HMGN5: variants seen among roughly 807,000 people sequenced by gnomAD.
The protein encoded by HMGN5 is high mobility group nucleosome binding domain 5, also known as high mobility group nucleosome-binding domain-containing protein 5.
A neutral mutation model predicts 9.5 loss-of-function variants in HMGN5; 4 were observed. The ratio of observed to expected loss-of-function variants is 0.42; its 90% CI spans 0.21 to 0.96. The LOEUF (loss-of-function observed/expected upper bound fraction) is 0.96, where lower values mean the gene tolerates loss of function less well. HMGN5 is among the 40% of genes least tolerant of loss of function. The probability of loss-of-function intolerance (pLI) is 0.30; values close to 1 mark genes in which losing one functional copy is unlikely to be tolerated. For synonymous variants in HMGN5, 55 were observed against 57.1 expected (o/e 0.96, Z 0.16); for missense variants, 192 against 187.5 (o/e 1.02, Z -0.14).
chrX:81,176,118 G>C (rs1309776666), intron 1 of HMGN5, among the ~76,000 whole-genome samples: 1 of 111,641 alleles, frequency 9.0e-6, no homozygotes, highest in Non-Finnish European at 1.9e-5. Flanking sequence ...TGCAACCTCC[G>C]CTGGTGATAG....
chrX:81,153,613 A>G (rs867651770), intron 1 of HMGN5, among the ~76,000 whole-genome samples: 1 of 45,270 alleles, frequency 2.2e-5, no homozygotes, highest in East Asian at 9.0e-4. Flanking sequence ...ATATATATAT[A>G]TATATATATA....
chrX:81,138,514 TA>T (rs1323902941), intron 1 of HMGN5, among the ~76,000 whole-genome samples: 1 of 111,312 alleles, frequency 9.0e-6, no homozygotes, highest in Non-Finnish European at 1.9e-5. Context: ...AAAGAACATG[TA>T]AAAAATCCTA....
intron 1 of HMGN5, among the ~76,000 whole-genome samples, chrX:81,181,791 T>C (rs1050327007): frequency 2.7e-5 from 3 of 112,402 alleles, no homozygotes; most frequent in Non-Finnish European, 3.8e-5. Flanking sequence ...CATTCTTTTT[T>C]ATGACTGAAT....
chrX:81,121,055 A>G (rs1237289568), intron 2 of HMGN5, among the ~76,000 whole-genome samples: 1 of 107,784 alleles, frequency 9.3e-6, no homozygotes, highest in Non-Finnish European at 1.9e-5. Flanking sequence ...GAAGTGGAGG[A>G]GGAGGGAAGG....
chrX:81,177,424 T>A (rs1257061259), intron 1 of HMGN5, among the ~76,000 whole-genome samples: 3 of 96,018 alleles, frequency 3.1e-5, no homozygotes, highest in African/African-American at 1.2e-4. Context: ...CTAGTCTCTG[T>A]TAAAACAGAT....
chrX:81,128,110 C>T (rs1454075187), intron 1 of HMGN5, among the ~76,000 whole-genome samples: 2 of 110,806 alleles, frequency 1.8e-5, no homozygotes, highest in East Asian at 5.7e-4. Context: ...GACATTCTCA[C>T]ATTTACTTGT....
chrX:81,147,212 A>G (rs2075347461), intron 1 of HMGN5, among the ~76,000 whole-genome samples: 2 of 111,871 alleles, frequency 1.8e-5, no homozygotes, highest in Admixed American at 9.5e-5. Context: ...ATTATAGGAC[A>G]GTACCCTTAG....
chrX:81,172,852 C>T (rs187723271), intron 1 of HMGN5, among the ~76,000 whole-genome samples: 1 of 110,918 alleles, frequency 9.0e-6, no homozygotes, highest in African/African-American at 3.3e-5. Flanking sequence ...AAATACTCAA[C>T]CTTACTCATA....
intron 1 of HMGN5, among the ~76,000 whole-genome samples, chrX:81,198,254 C>T (rs1250388165): frequency 9.0e-6 from 1 of 111,202 alleles, no homozygotes; most frequent in Non-Finnish European, 1.9e-5. Flanking sequence ...TTTCTGCCTA[C>T]GTTGTCTTCA....
At position 81,121,627 on chromosome X, in the gene HMGN5, A is replaced by G; in HGVS notation, c.-78T>C. The G allele has an allele frequency of 2.6e-6, 2 of 782,702 alleles. No individual in the cohort carries two copies. Among genetic ancestry groups the G allele is most frequent in the South Asian group, 2.6e-5 (1 of 38,006 alleles). The allele number at this position is 782,702 out of a possible 1,213,427, so 64.5% of individuals were successfully genotyped here. ...GTCACTGCCTGACTGCTCCAAGAGCAAATGAGTTTTCAATGAACTAACTGC... is the reference window on the plus strand; with the variant it reads ...GTCACTGCCTGACTGCTCCAAGAGCGAATGAGTTTTCAATGAACTAACTGC... On this transcript the variant is annotated 5_prime_UTR_variant, in exon 2 of 7. Transcript: ENST00000358130.
At chrX:81,196,536 TG>T (rs200387402) in intron 1 of HMGN5, among the ~76,000 whole-genome samples, 103 of 106,128 alleles carry the variant, frequency 9.7e-4, no homozygotes, top group Middle Eastern at 4.8e-3. Context: ...GGGTTTTTTT[TG>T]TTTGTTTGTT....
chrX:81,147,028 T>A (rs988126080), intron 1 of HMGN5, among the ~76,000 whole-genome samples: 11 of 110,776 alleles, frequency 9.9e-5, no homozygotes, highest in African/African-American at 3.6e-4. Flanking sequence ...CCAAAAGAAG[T>A]CCAGGACCAG....
chrX:81,187,474 G>T (rs2147648799), intron 1 of HMGN5, among the ~76,000 whole-genome samples: 1 of 109,077 alleles, frequency 9.2e-6, no homozygotes, highest in African/African-American at 3.5e-5. Context: ...CCTTCTTATA[G>T]AATTTTTTTC....
chrX:81,123,243 C>T (rs1304958579), intron 1 of HMGN5, among the ~76,000 whole-genome samples: 1 of 108,972 alleles, frequency 9.2e-6, no homozygotes, highest in East Asian at 2.8e-4. Flanking sequence ...ATTATTATTG[C>T]CCATTCTTCC....
At chrX:81,167,511 C>A (rs1385667264) in intron 1 of HMGN5, among the ~76,000 whole-genome samples, 2 of 111,127 alleles carry the variant, frequency 1.8e-5, no homozygotes, top group Admixed American at 1.9e-4. Flanking sequence ...AAAAGTTTCA[C>A]AAAATAATTA....
At chrX:81,153,531 G>A (rs1310518914) in intron 1 of HMGN5, among the ~76,000 whole-genome samples, 1 of 80,720 alleles carries the variant, frequency 1.2e-5, no homozygotes, top group Non-Finnish European at 2.4e-5. Flanking sequence ...TCCAGCCTGG[G>A]TGACAGAGCG....
At chrX:81,122,258 A>T (rs1368258129) in intron 1 of HMGN5, among the ~76,000 whole-genome samples, 1 of 112,272 alleles carries the variant, frequency 8.9e-6, no homozygotes, top group East Asian at 2.8e-4. Flanking sequence ...GGTGTAGAGT[A>T]GCGACAAAAC....
chrX:81,132,226 T>C (rs2075299248), intron 1 of HMGN5, among the ~76,000 whole-genome samples: 1 of 110,672 alleles, frequency 9.0e-6, no homozygotes, highest in Non-Finnish European at 1.9e-5. Flanking sequence ...AACGAACAAA[T>C]GGAAAAACAC....
At chrX:81,193,888 C>T (rs1333071961) in intron 1 of HMGN5, among the ~76,000 whole-genome samples, 1 of 110,953 alleles carries the variant, frequency 9.0e-6, no homozygotes, top group African/African-American at 3.3e-5. Context: ...ATGAAGAAGA[C>T]CAAAGTAGGA....
Sources: gnomAD v4.1 joint callset for allele counts (sites outside exome capture counted in the v4.1 genomes callset) on GRCh38, gnomAD v4.1.1 for gene constraint, MANE v1.5 for transcripts, NCBI Gene and HGNC (gene_info 2026-07-23, HGNC 2026-07-21) for gene names.